The following SLC14A2 variants were observed in gnomAD, a reference collection of about 807,000 sequenced individuals.
SLC14A2 encodes the protein solute carrier family 14 member 2.
In SLC14A2, 91 loss-of-function variants were observed where a neutral mutation model predicts 104.6. The observed-to-expected ratio is 0.87, with a 90% CI of 0.73 to 1.04. The LOEUF (loss-of-function observed/expected upper bound fraction) is 1.04, where lower values mean the gene tolerates loss of function less well. Ranked by LOEUF, SLC14A2 falls within the 50% of genes least tolerant of loss-of-function variation. SLC14A2 has a pLI of 0.00. For synonymous variants in SLC14A2, 476 were observed against 466.4 expected (o/e 1.02, Z -0.27); for missense variants, 1,189 against 1,156.0 (o/e 1.03, Z -0.41).
chr18:45,330,718 C>T (rs907297237), intron 1 of SLC14A2, among the ~76,000 whole-genome samples: 5 of 152,162 alleles, frequency 3.3e-5, no homozygotes, highest in Non-Finnish European at 7.3e-5. Context: ...CACGCTGTCC[C>T]TCGGGCCATT....
Position 45,407,834 on chromosome 18 carries a change from T to C in SLC14A2, c.-124-75399T>C, listed in dbSNP as rs2086173021. Among the ~76,000 whole-genome samples the C allele has an allele frequency of 2.0e-5, 3 of 152,176 alleles. No individual in the cohort carries two copies. The South Asian group carries it at 6.2e-4, about 31-fold the overall frequency. ...TTTATCAATTAAGTTCACAATCCTA[T>C]TTGGGTGCTGTTCATGGCACTTCCA... On this transcript the variant is annotated intron_variant, in intron 1 of 20. Coordinates refer to the SLC14A2 transcript ENST00000586448.
chr18:45,195,745 G>T, the SLC14A2 span, among the ~76,000 whole-genome samples: 3 of 152,098 alleles, frequency 2.0e-5, no homozygotes, highest in Non-Finnish European at 2.9e-5. Flanking sequence ...TATCAGAGTC[G>T]TGAATTCAAA....
intron 1 of SLC14A2, among the ~76,000 whole-genome samples, chr18:45,391,751 T>C (rs1214132981): frequency 6.6e-6 from 1 of 152,254 alleles, no homozygotes; most frequent in African/African-American, 2.4e-5. Context: ...TTCATATCCT[T>C]CGCCCACTTT....
chr18:45,597,987 G>A (rs1481734629), intron 2 of SLC14A2, among the ~76,000 whole-genome samples: 1 of 152,144 alleles, frequency 6.6e-6, no homozygotes, highest in Non-Finnish European at 1.5e-5. Context: ...ATGGGAGGAT[G>A]GGTTGTGGGG....
In SLC14A2 at chr18:45,638,064, G is replaced by A. The variant is rs550747627; in HGVS notation, c.843+882G>A. 5.3e-5 allele frequency among the ~76,000 whole-genome samples: 8 copies of A among 152,230 alleles called. No individual in the cohort carries two copies. In the South Asian group the frequency reaches 6.2e-4, roughly 12 times the overall value. Reference sequence around the variant, plus strand: ...TCCCTCATTCCTCTCATTCTTGACCGCTTGGGCTTAAAATCTGCGTTCCCG... The same window carrying A: ...TCCCTCATTCCTCTCATTCTTGACCACTTGGGCTTAAAATCTGCGTTCCCG... On this transcript the variant is annotated intron_variant, in intron 6 of 19. Transcript: ENST00000255226.
intron 2 of SLC14A2, among the ~76,000 whole-genome samples, chr18:45,591,346 G>GTTTTGT (rs989458721): frequency 1.3e-5 from 2 of 152,004 alleles, no homozygotes; most frequent in Non-Finnish European, 2.9e-5. Context: ...GTTTTGTTTT[G>GTTTTGT]TTTTTTTGAG....
At chr18:45,283,531 T>A (rs1281522907) in intron 1 of SLC14A2, among the ~76,000 whole-genome samples, 1 of 152,152 alleles carries the variant, frequency 6.6e-6, no homozygotes. Flanking sequence ...ACCAAAAAAA[T>A]GCTGCAGTCA....
At chr18:45,600,644 G>A (rs1216144090) in intron 2 of SLC14A2, among the ~76,000 whole-genome samples, 1 of 152,160 alleles carries the variant, frequency 6.6e-6, no homozygotes, top group African/African-American at 2.4e-5. Flanking sequence ...AGGGGGCAAT[G>A]AGGAAGAGGC....
chr18:45,588,452 G>A (rs1377770386), intron 2 of SLC14A2, among the ~76,000 whole-genome samples: 1 of 152,204 alleles, frequency 6.6e-6, no homozygotes, highest in Non-Finnish European at 1.5e-5. Flanking sequence ...CCCTAATGAA[G>A]TCATCCCAAA....
At chr18:45,627,344 G>A (rs2045276292) in intron 4 of SLC14A2, among the ~76,000 whole-genome samples, 197 bp downstream of exon 4, 1 of 152,194 alleles carries the variant, frequency 6.6e-6, no homozygotes. Context: ...ACATTCATTT[G>A]ACTGTGGAGA....
At chr18:45,569,527 T>C (rs1171416707) in intron 2 of SLC14A2, among the ~76,000 whole-genome samples, 2 of 152,186 alleles carry the variant, frequency 1.3e-5, no homozygotes, top group East Asian at 3.8e-4. Flanking sequence ...ACTTCATATC[T>C]CATCCCTGGC....
At chr18:45,538,850 C>CTTTTTTTTTT (rs61475766) in intron 2 of SLC14A2, among the ~76,000 whole-genome samples, 1 of 105,264 alleles carries the variant, frequency 9.5e-6, no homozygotes, top group Non-Finnish European at 1.9e-5. Flanking sequence ...TCCCCCTTCC[C>CTTTTTTTTTT]TTTTTTTTTT....
At chr18:45,172,699 T>C in the SLC14A2 span, among the ~76,000 whole-genome samples, 27 of 152,132 alleles carry the variant, frequency 1.8e-4, no homozygotes, top group Non-Finnish European at 5.9e-5. Flanking sequence ...TTTTCTGAAG[T>C]CATGTCTGAT....
At chr18:45,304,439 G>C (rs933029271) in intron 1 of SLC14A2, among the ~76,000 whole-genome samples, 15 of 152,294 alleles carry the variant, frequency 9.8e-5, no homozygotes, top group Non-Finnish European at 2.2e-4. Flanking sequence ...CTGTTTCTAA[G>C]CTGTTTTCAA....
chr18:45,417,013 C>T (rs1010034853), intron 1 of SLC14A2, among the ~76,000 whole-genome samples: 6 of 152,120 alleles, frequency 3.9e-5, no homozygotes, highest in East Asian at 1.9e-4. Context: ...CACACAAATC[C>T]GCAAGATGGA....
intron 2 of SLC14A2, chr18:45,492,076 T>C (rs2043012207): frequency 6.6e-6 from 1 of 152,268 alleles, no homozygotes; most frequent in South Asian, 2.1e-4. Flanking sequence ...AGGGGTTCCA[T>C]CTCCAAAGTG....
At chr18:45,285,866 A>G (rs2084810035) in intron 1 of SLC14A2, among the ~76,000 whole-genome samples, 1 of 152,156 alleles carries the variant, frequency 6.6e-6, no homozygotes, top group African/African-American at 2.4e-5. Flanking sequence ...ACATTTCCTC[A>G]GAACAGTGGT....
chr18:45,605,771 C>T (rs957493904), intron 2 of SLC14A2, among the ~76,000 whole-genome samples: 1 of 152,154 alleles, frequency 6.6e-6, no homozygotes, highest in Non-Finnish European at 1.5e-5. Flanking sequence ...TGTCAGAGAA[C>T]ACCTGGTCCC....
At chr18:45,242,973 T>C (rs1173651964) in intron 1 of SLC14A2, among the ~76,000 whole-genome samples, 1 of 152,240 alleles carries the variant, frequency 6.6e-6, no homozygotes. Context: ...CATAATGAGA[T>C]AGCCATTCCT....
Sources: allele counts gnomAD v4.1 joint callset (sites outside exome capture counted in the v4.1 genomes callset), GRCh38; gene constraint gnomAD v4.1.1; transcripts MANE v1.5; gene names NCBI Gene and HGNC (gene_info 2026-07-23, HGNC 2026-07-21).